Variants in DICER1 observed in about 807,000 individuals in gnomAD.
The protein encoded by DICER1 is dicer 1, ribonuclease III, also known as endoribonuclease Dicer.
DICER1 carries 43 observed loss-of-function variants against 194.1 expected under a neutral mutation model. The ratio of observed to expected loss-of-function variants is 0.22; its 90% CI spans 0.17 to 0.29. The LOEUF is 0.29. Among genes scored for constraint, DICER1 ranks in the 10% least tolerant of loss-of-function variants. The probability of loss-of-function intolerance (pLI) is 1.00; values close to 1 mark genes in which losing one functional copy is unlikely to be tolerated. For synonymous variants in DICER1, 832 were observed against 820.5 expected (o/e 1.01, Z -0.24); for missense variants, 1,608 against 2,317.0 (o/e 0.69, Z 6.28).
chr14:95,130,319 C>A (rs1893849254), intron 4 of DICER1, 127 bp from the exon 5 acceptor site: 1 of 837,434 alleles, frequency 1.2e-6, no homozygotes, highest in Non-Finnish European at 1.9e-6. Flanking sequence ...AAAATTAAAA[C>A]TAAAATACTA....
rs751638177 is a variant in DICER1, at chr14:95,087,046, C to T, written c.*3452G>A. The T allele has an allele frequency of 2.1e-5, 5 of 233,046 alleles. No individual in the cohort carries two copies. Among genetic ancestry groups the T allele is most frequent in the Middle Eastern group, 1.3e-3 (1 of 784 alleles). The allele number at this position is 233,046 out of a possible 1,614,324, so 14.4% of individuals were successfully genotyped here. A position where few individuals can be genotyped will look rare whatever the true frequency, so the allele number is the denominator to read the frequency against. Reference sequence around the variant, plus strand: ...TTAGACACCCTAACAGAGCAAGATCCAATATTTTAAATCAACGGGGCCTTG... The same window carrying T: ...TTAGACACCCTAACAGAGCAAGATCTAATATTTTAAATCAACGGGGCCTTG... On this transcript the variant is annotated 3_prime_UTR_variant, in exon 27 of 27. Coordinates refer to ENST00000343455, the MANE Select transcript of DICER1 (RefSeq NM_177438.3).
At chr14:95,130,257 T>C in intron 4 of DICER1, 65 bp from the exon 5 acceptor site, 1 of 1,504,894 alleles carries the variant, frequency 6.6e-7, no homozygotes, top group Non-Finnish European at 9.1e-7. Flanking sequence ...TTACATAAAA[T>C]CAGATCATAG....
At position 95,133,520 on chromosome 14, in the gene DICER1, G is replaced by A. The variant is rs2140297243; in HGVS notation, c.-45-17C>T. The stretch of plus-strand genomic sequence containing the variant: ...CACAGCTTACTACAAAAGGGAAAAA[G>A]AATACCATTACACAATCATGCAGGG... On this transcript the variant is annotated splice_polypyrimidine_tract_variant and intron_variant, in intron 1 of 26. Coordinates refer to ENST00000343455, the MANE Select transcript of DICER1 (RefSeq NM_177438.3). 1 of 1,527,330 alleles carries A rather than the reference G, an allele frequency of 6.5e-7. No homozygotes were observed. Among genetic ancestry groups the A allele is most frequent in the Non-Finnish European group, 8.9e-7 (1 of 1,119,360 alleles). The allele number at this position is 1,527,330 out of a possible 1,614,324, so 94.6% of individuals were successfully genotyped here.
chr14:95,142,863 A>G (rs1039807423), intron 1 of DICER1, among the ~76,000 whole-genome samples: 1 of 152,230 alleles, frequency 6.6e-6, no homozygotes, highest in African/African-American at 2.4e-5. Flanking sequence ...ATCCTTTCAC[A>G]GGCTAGTAGC....
At chr14:95,147,789 G>A (rs1041416801) in intron 1 of DICER1, among the ~76,000 whole-genome samples, 12 of 152,062 alleles carry the variant, frequency 7.9e-5, no homozygotes, top group South Asian at 2.1e-4. Flanking sequence ...TTTTTTGCCC[G>A]TGCTCCCGAC....
At chr14:95,140,292 T>A (rs2140357626) in intron 1 of DICER1, among the ~76,000 whole-genome samples, 1 of 152,308 alleles carries the variant, frequency 6.6e-6, no homozygotes, top group African/African-American at 2.4e-5. Flanking sequence ...CGTATAAGAC[T>A]ATGGTCTCGT....
chr14:95,096,563 T>C lies in DICER1; in HGVS notation c.4357A>G (p.Ile1453Val), dbSNP rs1040361162. The C allele has an allele frequency of 1.5e-5, 25 of 1,613,406 alleles. No homozygotes were observed. The highest frequency in any genetic ancestry group is 1.3e-4 in the East Asian group (6 of 44,888). Residue 1453 changes from isoleucine (I) to valine (V), a missense_variant, in exon 23 of 27, where the codon ATA (isoleucine) becomes GTA (valine). Ile to Val is a conservative substitution (Grantham distance 29). This residue lies in a region of DICER1 where 164 missense variants were observed against 183.7 expected (regional missense o/e 0.89). Coordinates refer to ENST00000343455, the MANE Select transcript of DICER1 (RefSeq NM_177438.3). ...LEYDQEHIRF[I>V]DNMLMGSGAF... ...CCTGACCCCATTAACATATTATCTA[T>C]AAATCTGATATGTTCCTGATCATAC...
chr14:95,097,318 C>T (rs1461087523), intron 22 of DICER1, among the ~76,000 whole-genome samples: 1 of 152,152 alleles, frequency 6.6e-6, no homozygotes, highest in Non-Finnish European at 1.5e-5. Context: ...AACTACACTG[C>T]TTTCCTTAAA....
chr14:95,126,939 A>G (rs1352125213), intron 6 of DICER1, among the ~76,000 whole-genome samples, 191 bp from the exon 7 acceptor site: 2 of 152,116 alleles, frequency 1.3e-5, no homozygotes, highest in African/African-American at 4.8e-5. Flanking sequence ...ATTTCTCAAC[A>G]GTAAATAATG....
Position 95,124,667 on chromosome 14 carries a change from A to G in DICER1, c.905T>C (p.Ile302Thr). Residue 302 changes from isoleucine (I) to threonine (T), a missense_variant and splice_region_variant, in exon 8 of 27, where the codon ATA becomes ACA. Physicochemically the swap from Ile to Thr is moderately conservative, Grantham distance 89 (BLOSUM62 -1). This residue lies in a region of DICER1 where 657 missense variants were observed against 910.1 expected (regional missense o/e 0.72). Transcript: ENST00000343455. The surrounding 1 kb of genome is among the most constrained non-coding windows in gnomAD (Gnocchi z 4.5). ...CAATACGGCACGACAGTCTGATAGT[A>G]TCTACAAAAAAAAGAAAAGAAAAAA... ...ERDSTLISKQ[I>T]LSDCRAVLVV... is the part of the protein sequence containing the mutation. The G allele has an allele frequency of 1.2e-6, 2 of 1,610,244 alleles. No individual in the cohort carries two copies. The highest frequency in any genetic ancestry group is 1.7e-6 in the Non-Finnish European group (2 of 1,177,238).
At chr14:95,108,234 G>C in intron 15 of DICER1, 90 bp downstream of exon 15, 3 of 1,352,224 alleles carry the variant, frequency 2.2e-6, no homozygotes, top group Non-Finnish European at 3.2e-6. Flanking sequence ...ACATACTGAG[G>C]TAACAAAAGG....
chr14:95,094,010 G>A lies in DICER1; in HGVS notation c.5242C>T (p.Leu1748=), dbSNP rs1595330194. 1 of 1,614,122 alleles carries A rather than the reference G, an allele frequency of 6.2e-7. No homozygotes were observed. The highest frequency in any genetic ancestry group is 8.5e-7 in the Non-Finnish European group (1 of 1,180,020). The change falls in exon 24 of 27, where the codon CTG becomes TTG. Residue 1748 remains leucine (L), a synonymous_variant. Coordinates refer to ENST00000343455, the MANE Select transcript of DICER1 (RefSeq NM_177438.3). The stretch of plus-strand genomic sequence containing the variant: ...TTGTGGTAGTCGTACTTTACAGCCA[G>A]CGATGCAAAGATGGTGTTGTTGACC... ...ALVNNTIFAS[L]AVKYDYHKYF...
chr14:95,157,741 C>T (rs891872842), upstream of DICER1: 1 of 152,276 alleles, frequency 6.6e-6, no homozygotes, highest in Non-Finnish European at 1.5e-5. Flanking sequence ...GCCGCAGTTG[C>T]CCGGAGTTTT....
At chr14:95,138,785 G>A (rs1345894045) in intron 1 of DICER1, among the ~76,000 whole-genome samples, 2 of 137,050 alleles carry the variant, frequency 1.5e-5, no homozygotes, top group African/African-American at 5.4e-5. Context: ...CATGGACACA[G>A]GAAGGGGAAT....
Position 95,090,257 on chromosome 14 carries a change from G to C in DICER1, c.*241C>G, listed in dbSNP as rs1889670604. ...GCACTCTTGTGATTTAAACAAAGCA[G>C]AAGTGAGGAAAGAAGATAAGATTGT... On this transcript the variant is annotated 3_prime_UTR_variant, in exon 27 of 27. Coordinates refer to ENST00000343455, the MANE Select transcript of DICER1 (RefSeq NM_177438.3). 1 of 551,094 alleles carries C rather than the reference G, an allele frequency of 1.8e-6. No homozygotes were observed. Among genetic ancestry groups the C allele is most frequent in the Non-Finnish European group, 3.2e-6 (1 of 309,728 alleles). 34.1% of individuals were successfully genotyped at this position (551,094 alleles called of 1,614,324 possible). A position where few individuals can be genotyped will look rare whatever the true frequency, so the allele number is the denominator to read the frequency against.
Position 95,094,905 on chromosome 14 carries a change from G to A in DICER1, c.5096-749C>T, listed in dbSNP as rs182096537. 2.6e-5 allele frequency among the ~76,000 whole-genome samples: 4 copies of A among 151,928 alleles called. No homozygotes were observed. The East Asian group carries it at 7.7e-4, about 29-fold the overall frequency. On this transcript the variant is annotated intron_variant, in intron 23 of 26. Transcript: ENST00000343455. ...TGGTGACTTGTCCCAGAATAAGCAAGGAATTAAGAAGCAGGGACTGCTAGG... is the reference window on the plus strand; with the variant it reads ...TGGTGACTTGTCCCAGAATAAGCAAAGAATTAAGAAGCAGGGACTGCTAGG...
intron 8 of DICER1, among the ~76,000 whole-genome samples, chr14:95,123,506 T>C (rs1266318839): frequency 6.6e-6 from 1 of 152,182 alleles, no homozygotes; most frequent in East Asian, 1.9e-4. Flanking sequence ...CACTGCAACC[T>C]CTGCCTCCCA....
rs1373751446 is a variant in DICER1, at chr14:95,087,180, C to G, written c.*3318G>C. On this transcript the variant is annotated 3_prime_UTR_variant, in exon 27 of 27. Transcript: ENST00000343455. ...CCGGGGGAACACCTGGATTCATGAA[C>G]CAAAGCAGCCTCAAGTTTCATGTTG... The G allele has an allele frequency of 4.3e-6, 1 of 233,284 alleles. No individual in the cohort carries two copies. Among genetic ancestry groups the G allele is most frequent in the African/African-American group, 2.2e-5 (1 of 45,426 alleles). The allele number at this position is 233,284 out of a possible 1,614,324, so 14.5% of individuals were successfully genotyped here.
intron 23 of DICER1, 116 bp downstream of exon 23, chr14:95,095,709 T>C (rs1158388337): frequency 4.4e-6 from 5 of 1,128,384 alleles, no homozygotes; most frequent in Non-Finnish European, 6.5e-6. Context: ...GCCCCATCCC[T>C]TGAATATTAA....
Sources: allele counts gnomAD v4.1 joint callset (sites outside exome capture counted in the v4.1 genomes callset), GRCh38; gene constraint gnomAD v4.1.1; regional missense constraint gnomAD v4.1.1; non-coding constraint Gnocchi (gnomAD v3.1); transcripts MANE v1.5; gene names NCBI Gene and HGNC (gene_info 2026-07-23, HGNC 2026-07-21).